The following MAP3K13 variants were observed in gnomAD, a reference collection of about 807,000 sequenced individuals.
The protein encoded by MAP3K13 is leucine zipper-bearing kinase.
MAP3K13 carries 52 observed loss-of-function variants against 104.0 expected under a neutral mutation model. The observed-to-expected ratio is 0.50, with a 90% confidence interval of 0.40 to 0.63. The LOEUF is 0.63. Among genes scored for constraint, MAP3K13 ranks in the 20% least tolerant of loss-of-function variants. The pLI is 0.00. For synonymous variants in MAP3K13, 394 were observed against 442.2 expected, an observed-to-expected ratio of 0.89 and a Z score of 1.37; for missense variants, 914 against 1,218.5, an observed-to-expected ratio of 0.75 and a Z score of 3.72.
Position 185,417,719 on chromosome 3 carries a change from C to A in MAP3K13, c.-85-10778C>A, listed in dbSNP as rs190015640. On this transcript the variant is annotated intron_variant, in intron 1 of 13. Coordinates refer to ENST00000265026, the MANE Select transcript of MAP3K13 (RefSeq NM_004721.5). ...GGTAGTGCTGCTGCTGCAGCAGCTG[C>A]CTTATCCACCCGGAGCTTGTGATTC... 1,009 of 1,612,402 alleles carry A rather than the reference C, an allele frequency of 6.3e-4. 3 individuals carry two copies. The African/African-American group carries it at 0.012, about 19-fold the overall frequency.
Position 185,463,677 on chromosome 3 carries a change from TC to T in MAP3K13, c.1388+22del. On this transcript the variant is annotated intron_variant, in intron 8 of 13. Coordinates refer to ENST00000265026, the MANE Select transcript of MAP3K13 (RefSeq NM_004721.5). ...GAGCTCAGGTCAGCTCATCCCTCCTTCCCCACCTCCCTTCATCCCCAGGTCT... is the reference window on the plus strand; with the variant it reads ...GAGCTCAGGTCAGCTCATCCCTCCTTCCCACCTCCCTTCATCCCCAGGTCT... The T allele has an allele frequency of 1.4e-6, 2 of 1,455,658 alleles. No individual in the cohort carries two copies. Among genetic ancestry groups the T allele is most frequent in the South Asian group, 1.2e-5 (1 of 86,552 alleles). The allele number at this position is 1,455,658 out of a possible 1,614,324, so 90.2% of individuals were successfully genotyped here. A position where few individuals can be genotyped will look rare whatever the true frequency, so the allele number is the denominator to read the frequency against.
Position 185,437,362 on chromosome 3 carries a change from C to T in MAP3K13, c.476-85C>T, listed in dbSNP as rs79793511. On this transcript the variant is annotated intron_variant, in intron 2 of 13. Coordinates refer to ENST00000265026, the MANE Select transcript of MAP3K13 (RefSeq NM_004721.5). ...AGAGGGTAAGGGTCATCCTGGGTGA[C>T]GATGAAGTTGGTACCTTCAGAATGG... is the stretch of plus-strand genomic sequence containing the variant. 340 of 1,192,780 alleles carry T rather than the reference C, an allele frequency of 2.9e-4. No homozygotes were observed. In the African/African-American group the frequency reaches 4.3e-3, roughly 15 times the overall value. 73.9% of individuals were successfully genotyped at this position (1,192,780 alleles called of 1,614,324 possible). A position where few individuals can be genotyped will look rare whatever the true frequency, so the allele number is the denominator to read the frequency against.
chr3:185,325,787 C>G (rs1722024949), intron 2 of MAP3K13, among the ~76,000 whole-genome samples: 1 of 152,186 alleles, frequency 6.6e-6, no homozygotes, highest in South Asian at 2.1e-4. Flanking sequence ...CCAAACCTCT[C>G]CCCACAGTTA....
intron 2 of MAP3K13, chr3:185,292,092 G>A (rs1428526837): frequency 1.4e-6 from 1 of 709,058 alleles, no homozygotes; most frequent in Non-Finnish European, 1.7e-6. Context: ...ATGCCCCAAG[G>A]TCAGGCATTT....
chr3:185,301,423 A>G (rs1721106107), intron 2 of MAP3K13, among the ~76,000 whole-genome samples: 2 of 151,818 alleles, frequency 1.3e-5, no homozygotes, highest in African/African-American at 4.8e-5. Flanking sequence ...TCACTCTTAG[A>G]TTATTTCCTT....
intron 1 of MAP3K13, among the ~76,000 whole-genome samples, chr3:185,395,826 A>G (rs564711561): frequency 3.3e-5 from 5 of 152,018 alleles, no homozygotes; most frequent in Admixed American, 1.3e-4. Flanking sequence ...CTGGGATTAC[A>G]GGCACGCATG....
rs1718373336 is a variant in MAP3K13, at chr3:185,480,352, T to C, written c.2622T>C (p.Ala874=). The change falls in exon 13 of 14, where the codon GCT becomes GCC. Residue 874 remains alanine (A), a synonymous_variant. Coordinates refer to ENST00000265026, the MANE Select transcript of MAP3K13 (RefSeq NM_004721.5). ...SDHSNSPDEL[A]DKLEDRLAEK... ...ACTCAAACAGTCCTGATGAGTTAGC[T>C]GATAAACTTGAAGACCGCTTGGCAG... is the stretch of plus-strand genomic sequence containing the variant. The C allele has an allele frequency of 6.2e-7, 1 of 1,614,210 alleles. No homozygotes were observed. Among genetic ancestry groups the C allele is most frequent in the Non-Finnish European group, 8.5e-7 (1 of 1,180,042 alleles).
chr3:185,292,015 A>C (rs1325745332), intron 2 of MAP3K13: 1 of 1,003,126 alleles, frequency 1.0e-6, no homozygotes, highest in African/African-American at 1.7e-5. Flanking sequence ...TAAAAAGTTG[A>C]GTTAACAGGC....
At chr3:185,411,716 C>T (rs1451960188) in intron 1 of MAP3K13, among the ~76,000 whole-genome samples, 6 of 149,982 alleles carry the variant, frequency 4.0e-5, no homozygotes, top group Non-Finnish European at 8.9e-5. Flanking sequence ...TTTAGGAGCA[C>T]TTAATGAAAC....
At chr3:185,309,607 A>C (rs1451184970) in intron 2 of MAP3K13, among the ~76,000 whole-genome samples, 1 of 152,146 alleles carries the variant, frequency 6.6e-6, no homozygotes, top group African/African-American at 2.4e-5. Context: ...ACATAATTAC[A>C]TACCCTGCCT....
chr3:185,324,066 A>T lies in MAP3K13; in HGVS notation c.-86+38423A>T, dbSNP rs919182436. ...TGCTCTGTCGCCCAGGCTAGAGTGC[A>T]GTGGTGCGATCTCAGCTCACTGCCA... On this transcript the variant is annotated intron_variant, in intron 2 of 14. Coordinates refer to the MAP3K13 transcript ENST00000424227. Among the ~76,000 whole-genome samples the T allele has an allele frequency of 3.3e-5, 5 of 152,068 alleles. No homozygotes were observed. The South Asian group carries it at 1.0e-3, about 31-fold the overall frequency.
At chr3:185,291,923 A>G in intron 2 of MAP3K13, 1 of 1,097,894 alleles carries the variant, frequency 9.1e-7, no homozygotes, top group African/African-American at 1.7e-5. Flanking sequence ...AAAAAAAAAA[A>G]TGTGTTCTGT....
intron 7 of MAP3K13, among the ~76,000 whole-genome samples, chr3:185,453,016 G>T (rs1239846816): frequency 6.6e-6 from 1 of 152,122 alleles, no homozygotes; most frequent in Non-Finnish European, 1.5e-5. Flanking sequence ...GAGAGGGGAA[G>T]AATTGGTGGC....
chr3:185,438,706 A>T lies in MAP3K13; in HGVS notation c.659+1076A>T, dbSNP rs965304261. On this transcript the variant is annotated intron_variant, in intron 3 of 13. Transcript: ENST00000265026. The stretch of plus-strand genomic sequence containing the variant: ...AAGTGCTGAGCTCTAAATAGATATT[A>T]TCTCTTCTGCCTGAATCTTTCCCTT... 2.0e-5 allele frequency among the ~76,000 whole-genome samples: 3 copies of T among 152,212 alleles called. No individual in the cohort carries two copies. In the East Asian group the frequency reaches 5.8e-4, roughly 29 times the overall value.
At chr3:185,323,777 T>A (rs1721950581) in intron 2 of MAP3K13, among the ~76,000 whole-genome samples, 1 of 152,216 alleles carries the variant, frequency 6.6e-6, no homozygotes, top group Non-Finnish European at 1.5e-5. Context: ...TTTTTAGTTA[T>A]TGCTGGGTGA....
At chr3:185,452,994 G>T (rs1363504360) in intron 7 of MAP3K13, among the ~76,000 whole-genome samples, 1 of 152,112 alleles carries the variant, frequency 6.6e-6, no homozygotes. Flanking sequence ...ACATCATAAG[G>T]GCGCAGATCT....
intron 2 of MAP3K13, among the ~76,000 whole-genome samples, chr3:185,323,491 G>A (rs527759089): frequency 1.2e-3 from 180 of 151,934 alleles, no homozygotes; most frequent in South Asian, 2.3e-3. Flanking sequence ...GCACCTCCAC[G>A]TCCAGCTAAT....
At chr3:185,285,928 T>C (rs758280679) in intron 2 of MAP3K13, among the ~76,000 whole-genome samples, 1 of 152,150 alleles carries the variant, frequency 6.6e-6, no homozygotes, top group Non-Finnish European at 1.5e-5. Context: ...ACACTTTACA[T>C]CCGGGTAGAA....
chr3:185,320,972 G>T (rs1374058381), intron 2 of MAP3K13, among the ~76,000 whole-genome samples: 3 of 152,130 alleles, frequency 2.0e-5, no homozygotes, highest in Non-Finnish European at 4.4e-5. Context: ...GTATGTGACA[G>T]TAGTGCATGT....
Sources: gnomAD v4.1 joint callset for allele counts (sites outside exome capture counted in the v4.1 genomes callset) on GRCh38, gnomAD v4.1.1 for gene constraint, MANE v1.5 for transcripts, NCBI Gene and HGNC (gene_info 2026-07-23, HGNC 2026-07-21) for gene names.